Variants in DDO observed in about 807,000 individuals in gnomAD.
DDO encodes D-aspartate oxidase, DDO.
Under a neutral mutation model 16.8 loss-of-function variants are expected in DDO, and 16 were observed. The ratio of observed to expected loss-of-function variants is 0.95; its 90% confidence interval spans 0.65 to 1.45. DDO has a LOEUF of 1.45. Ranked by LOEUF, DDO falls within the 40% of genes most tolerant of loss-of-function variation. The pLI, the probability that DDO is intolerant of heterozygous loss-of-function variation, is 0.00. For synonymous variants in DDO, 180 were observed against 167.2 expected (o/e 1.08, Z -0.59); for missense variants, 429 against 420.3 (o/e 1.02, Z -0.18).
chr6:110,405,667 G>A (rs1324521599), intron 3 of DDO, among the ~76,000 whole-genome samples: 1 of 152,094 alleles, frequency 6.6e-6, no homozygotes, highest in African/African-American at 2.4e-5. Context: ...ACCTATCTAT[G>A]ATCCCAGCAC....
At chr6:110,407,004 A>G (rs1773679017) in intron 3 of DDO, among the ~76,000 whole-genome samples, 1 of 152,110 alleles carries the variant, frequency 6.6e-6, no homozygotes, top group African/African-American at 2.4e-5. Context: ...TTAACTCAAC[A>G]CATATTTGTT....
At chr6:110,394,069 C>G (rs2114807377) in intron 4 of DDO, among the ~76,000 whole-genome samples, 1 of 152,190 alleles carries the variant, frequency 6.6e-6, no homozygotes, top group African/African-American at 2.4e-5. Flanking sequence ...TGTTGTGCAA[C>G]CGCCATCACC....
chr6:110,413,556 C>A, intron 1 of DDO, 90 bp from the exon 2 acceptor site: 1 of 1,326,754 alleles, frequency 7.5e-7, no homozygotes, highest in South Asian at 1.3e-5. Flanking sequence ...TTCCTTAGGT[C>A]TTCAGCCACT....
In DDO at chr6:110,399,634, C is replaced by A. The variant is rs182354739; in HGVS notation, c.458+5140G>T. ...AAGCCTCCTGAGGGAGGAAAGGGGACACGTGGCCTTGTTCCTCCACCAGCC... is the reference window on the plus strand; with the variant it reads ...AAGCCTCCTGAGGGAGGAAAGGGGAAACGTGGCCTTGTTCCTCCACCAGCC... On this transcript the variant is annotated intron_variant, in intron 4 of 4. Coordinates refer to ENST00000368924, the MANE Select transcript of DDO (RefSeq NM_001372108.2). Among the ~76,000 whole-genome samples the A allele has an allele frequency of 3.8e-3, 577 of 151,434 alleles. 3 individuals carry two copies. The highest frequency in any genetic ancestry group is 0.014 in the African/African-American group (565 of 41,340).
chr6:110,398,415 C>A (rs1209263294), intron 4 of DDO, among the ~76,000 whole-genome samples: 50 of 139,310 alleles, frequency 3.6e-4, no homozygotes, highest in African/African-American at 1.5e-3. Flanking sequence ...CACACACACA[C>A]ACACACACAC....
At position 110,392,456 on chromosome 6, in the gene DDO, C is replaced by A; in HGVS notation, c.*319G>T. 1 of 1,062,280 alleles carries A rather than the reference C, an allele frequency of 9.4e-7. No individual in the cohort carries two copies. The highest frequency in any genetic ancestry group is 1.1e-6 in the Non-Finnish European group (1 of 881,374). 65.8% of individuals were successfully genotyped at this position (1,062,280 alleles called of 1,614,324 possible). On this transcript the variant is annotated 3_prime_UTR_variant, in exon 5 of 5. Transcript: ENST00000368924. ...AGCTTTATGCCCTATGCCATTAATGCTGGACTTCCTAAGTAAGCCTACATG... is the reference window on the plus strand; with the variant it reads ...AGCTTTATGCCCTATGCCATTAATGATGGACTTCCTAAGTAAGCCTACATG...
At chr6:110,411,882 A>G (rs1311023274) in intron 2 of DDO, among the ~76,000 whole-genome samples, 1 of 138,854 alleles carries the variant, frequency 7.2e-6, no homozygotes, top group Non-Finnish European at 1.6e-5. Flanking sequence ...TTTGGTTTCT[A>G]TTTAATGCTA....
At chr6:110,412,138 C>T (rs1419699016) in intron 2 of DDO, among the ~76,000 whole-genome samples, 1 of 151,938 alleles carries the variant, frequency 6.6e-6, no homozygotes. Context: ...CCCAGCTACT[C>T]AGGAGGCTGA....
chr6:110,407,572 C>T (rs986054255), intron 3 of DDO, among the ~76,000 whole-genome samples: 1 of 152,064 alleles, frequency 6.6e-6, no homozygotes, highest in Non-Finnish European at 1.5e-5. Context: ...TGTGTTATCA[C>T]ACAGGATAAC....
Position 110,395,199 on chromosome 6 carries a change from G to A in DDO, c.459-1857C>T, listed in dbSNP as rs1310522909. 2.6e-5 allele frequency among the ~76,000 whole-genome samples: 4 copies of A among 152,156 alleles called. No homozygotes were observed. In the South Asian group the frequency reaches 8.3e-4, roughly 32 times the overall value. The stretch of plus-strand genomic sequence containing the variant: ...TAAAGCTAATTGCCTTCTTTAATGT[G>A]GGTAGGCCTCATCCTATCAGTTGAA... On this transcript the variant is annotated intron_variant, in intron 4 of 4. Transcript: ENST00000368924.
chr6:110,405,855 A>T (rs1562263425), intron 3 of DDO, among the ~76,000 whole-genome samples: 1 of 152,108 alleles, frequency 6.6e-6, no homozygotes, highest in Non-Finnish European at 1.5e-5. Flanking sequence ...AGTGAACTGA[A>T]TTGGACCATT....
chr6:110,393,334 C>G lies in DDO; in HGVS notation c.467G>C (p.Gly156Ala), dbSNP rs751370635. ...YLPWLEKRIKGSGGWTLTRRI... is the reference protein window; with the variant it reads ...YLPWLEKRIKASGGWTLTRRI... The stretch of plus-strand genomic sequence containing the variant: ...CCGAGTGAGTGTCCAGCCTCCACTT[C>G]CCTTTATCCTACGGAAGAGAGGCCA... Residue 156 changes from glycine to alanine, a missense_variant, in exon 5 of 5, where the codon GGA (glycine) becomes GCA (alanine). Physicochemically the swap from Gly to Ala is moderately conservative, Grantham distance 60. Coordinates refer to ENST00000368924, the MANE Select transcript of DDO (RefSeq NM_001372108.2). 4.4e-6 allele frequency: 7 copies of G among 1,596,414 alleles called. No homozygotes were observed. The Admixed American group carries it at 1.0e-4, about 23-fold the overall frequency.
intron 4 of DDO, among the ~76,000 whole-genome samples, chr6:110,400,714 T>C (rs932156196): frequency 2.6e-5 from 4 of 152,384 alleles, no homozygotes; most frequent in Admixed American, 6.5e-5. Flanking sequence ...CAATGAAAGC[T>C]TGGGCCCGAG....
intron 2 of DDO, among the ~76,000 whole-genome samples, chr6:110,412,260 A>AAG (rs2114842953): frequency 6.6e-6 from 1 of 152,154 alleles, no homozygotes; most frequent in African/African-American, 2.4e-5. Context: ...TCTTAAAAAA[A>AAG]AAAAAAAATC....
Position 110,392,799 on chromosome 6 carries a change from G to T in DDO, c.1002C>A (p.Thr334=). 1.9e-6 allele frequency: 3 copies of T among 1,569,394 alleles called. No homozygotes were observed. The highest frequency in any genetic ancestry group is 2.6e-6 in the Non-Finnish European group (3 of 1,156,774). Residue 334 remains threonine (T), a synonymous_variant, in exon 5 of 5, where the codon ACC becomes ACA. Transcript: ENST00000368924. ...LVSECVHALR[T]PIPKSNL ...TCTACAGGTTTGACTTGGGAATGGG[G>T]GTCCTGAGGGCATGGACACACTCGC...
In DDO at chr6:110,415,497, C is replaced by T. The variant is rs757267416; in HGVS notation, c.-35G>A. ...TCTGAAAAAGCAGTCTTGGAAGCCA[C>T]CAAAATCTCTGGCACCAAACCTTGT... On this transcript the variant is annotated 5_prime_UTR_variant, in exon 1 of 5. The change creates a new upstream start codon in the 5' untranslated region. Coordinates refer to ENST00000368924, the MANE Select transcript of DDO (RefSeq NM_001372108.2). 2.7e-5 allele frequency: 44 copies of T among 1,614,118 alleles called. 1 individual carries two copies. In the Admixed American group the frequency reaches 6.3e-4, roughly 23 times the overall value.
chr6:110,408,922 C>A (rs558469932), intron 2 of DDO, among the ~76,000 whole-genome samples: 4 of 152,212 alleles, frequency 2.6e-5, no homozygotes, highest in Non-Finnish European at 5.9e-5. Flanking sequence ...CCAGGCCAAC[C>A]GGGACAGAGA....
chr6:110,401,762 G>A (rs191405237), intron 4 of DDO, among the ~76,000 whole-genome samples: 3 of 152,294 alleles, frequency 2.0e-5, no homozygotes, highest in South Asian at 2.1e-4. Context: ...GCTAAAACTC[G>A]TAGGTGAAAG....
chr6:110,413,797 G>T (rs922555847), intron 1 of DDO, among the ~76,000 whole-genome samples: 1 of 151,920 alleles, frequency 6.6e-6, no homozygotes, highest in African/African-American at 2.4e-5. Flanking sequence ...CCCCTGAAAG[G>T]GGGTCTTGCT....
Sources: gnomAD v4.1 joint callset for allele counts (sites outside exome capture counted in the v4.1 genomes callset) on GRCh38, gnomAD v4.1.1 for gene constraint, MANE v1.5 for transcripts, NCBI Gene and HGNC (gene_info 2026-07-23, HGNC 2026-07-21) for gene names.